The following KLHL28 variants were observed in gnomAD, a reference collection of about 807,000 sequenced individuals.
KLHL28 encodes the protein kelch like family member 28.
A neutral mutation model predicts 48.3 loss-of-function variants in KLHL28; 22 were observed. The observed-to-expected ratio is 0.46, with a 90% confidence interval of 0.33 to 0.65. The LOEUF is 0.65. Ranked by LOEUF, KLHL28 falls within the 30% of genes least tolerant of loss-of-function variation. The pLI is 0.03. For synonymous variants in KLHL28, 243 were observed against 242.4 expected (o/e 1.00, Z -0.02); for missense variants, 527 against 704.3 (o/e 0.75, Z 2.85).
At chr14:44,949,676 C>A (rs28690299) in intron 1 of KLHL28, among the ~76,000 whole-genome samples, 7,331 of 152,068 alleles carry the variant, frequency 0.048, 585 homozygotes, top group African/African-American at 0.17. Context: ...TCCTGAAAGA[C>A]TTATATCTAA....
intron 1 of KLHL28, among the ~76,000 whole-genome samples, chr14:44,947,832 G>A (rs1306845392): frequency 6.6e-6 from 1 of 152,178 alleles, no homozygotes; most frequent in Non-Finnish European, 1.5e-5. Flanking sequence ...CTCCACTGCT[G>A]ATCTCTGCAA....
chr14:44,930,424 C>G (rs1353580441), intron 4 of KLHL28, among the ~76,000 whole-genome samples: 1 of 152,070 alleles, frequency 6.6e-6, no homozygotes, highest in African/African-American at 2.4e-5. Flanking sequence ...GCCACCGCAC[C>G]AGGCTAATTT....
At chr14:44,953,327 A>G (rs1455689754) in intron 1 of KLHL28, among the ~76,000 whole-genome samples, 2 of 152,238 alleles carry the variant, frequency 1.3e-5, no homozygotes, top group African/African-American at 4.8e-5. Context: ...ATATATATGA[A>G]AAATGTAATT....
At chr14:44,952,555 C>T (rs1176283684) in intron 1 of KLHL28, among the ~76,000 whole-genome samples, 5 of 152,124 alleles carry the variant, frequency 3.3e-5, no homozygotes, top group African/African-American at 1.2e-4. Flanking sequence ...CAGGATCTCA[C>T]TATGTTGCCC....
intron 2 of KLHL28, among the ~76,000 whole-genome samples, chr14:44,937,783 T>C (rs1034341793): frequency 3.3e-5 from 5 of 152,194 alleles, no homozygotes; most frequent in Non-Finnish European, 7.3e-5. Context: ...CATCTCATGG[T>C]AGAAGACATC....
chr14:44,956,026 AC>A (rs1884781667), intron 1 of KLHL28, among the ~76,000 whole-genome samples: 2 of 152,212 alleles, frequency 1.3e-5, no homozygotes, highest in Admixed American at 6.5e-5. Flanking sequence ...TAATGTAGCA[AC>A]TCATTTTTTG....
chr14:44,944,878 A>G, intron 2 of KLHL28, 152 bp downstream of exon 2: 1 of 563,132 alleles, frequency 1.8e-6, no homozygotes, highest in South Asian at 3.2e-5. Context: ...AAAAACAATC[A>G]CGTAAGTATT....
At chr14:44,940,917 T>C (rs766336826) in intron 2 of KLHL28, among the ~76,000 whole-genome samples, 33 of 152,164 alleles carry the variant, frequency 2.2e-4, no homozygotes, top group African/African-American at 6.7e-4. Flanking sequence ...CTGACCAACA[T>C]GGTGAAACCC....
intron 1 of KLHL28, among the ~76,000 whole-genome samples, chr14:44,955,180 A>C (rs1372334367): frequency 6.6e-6 from 1 of 151,844 alleles, no homozygotes; most frequent in Admixed American, 6.6e-5. Flanking sequence ...TTTGAATAAA[A>C]AGTATGAGAA....
At chr14:44,938,607 C>T (rs112435177) in intron 2 of KLHL28, among the ~76,000 whole-genome samples, 3,192 of 152,176 alleles carry the variant, frequency 0.021, 129 homozygotes, top group African/African-American at 0.073. Flanking sequence ...CCTGACCTCG[C>T]GATCTGCCCG....
At chr14:44,948,603 G>A (rs551885191) in intron 1 of KLHL28, among the ~76,000 whole-genome samples, 1 of 152,150 alleles carries the variant, frequency 6.6e-6, no homozygotes, top group East Asian at 1.9e-4. Context: ...TAAGAATATA[G>A]TACTTACGTC....
chr14:44,951,765 C>T (rs1020230198), intron 1 of KLHL28, among the ~76,000 whole-genome samples: 5 of 152,280 alleles, frequency 3.3e-5, no homozygotes, highest in Middle Eastern at 3.4e-3. Flanking sequence ...AAAACAGTGT[C>T]AACTAGCAAC....
At chr14:44,950,973 T>C (rs1229768529) in intron 1 of KLHL28, among the ~76,000 whole-genome samples, 1 of 152,224 alleles carries the variant, frequency 6.6e-6, no homozygotes. Flanking sequence ...ATATGAGCCA[T>C]TTTAAAATAT....
In KLHL28 at chr14:44,935,890, G is replaced by GTGTATATA. The variant is rs1555337906; in HGVS notation, c.900-1333_900-1332insTATATACA. 2.7e-3 allele frequency among the ~76,000 whole-genome samples: 161 copies of GTGTATATA among 59,148 alleles called. 11 individuals are homozygous for GTGTATATA. Among genetic ancestry groups the GTGTATATA allele is most frequent in the African/African-American group, 6.0e-3 (148 of 24,802 alleles). The allele number at this position is 59,148 out of a possible 152,430, so 38.8% of individuals were successfully genotyped here. On this transcript the variant is annotated intron_variant, in intron 2 of 4. Transcript: ENST00000396128. ...TATGTGTATGTATATATATATGTGT[G>GTGTATATA]TATATATATATATCTTTACCCTCCC...
In KLHL28 at chr14:44,924,565, C is replaced by T. The variant is rs1255397488; in HGVS notation, c.*4463G>A. 1 of 152,584 alleles carries T rather than the reference C, an allele frequency of 6.6e-6. No homozygotes were observed. The highest frequency in any genetic ancestry group is 1.5e-5 in the Non-Finnish European group (1 of 68,014). 9.5% of individuals were successfully genotyped at this position (152,584 alleles called of 1,614,324 possible). ...ACATTTAAACTAACATAATCCACAA[C>T]TAGATCACATTCTTTGCAAGAGAGT... On this transcript the variant is annotated 3_prime_UTR_variant, in exon 5 of 5. Transcript: ENST00000396128.
At chr14:44,949,330 G>A (rs988019523) in intron 1 of KLHL28, among the ~76,000 whole-genome samples, 3 of 152,172 alleles carry the variant, frequency 2.0e-5, no homozygotes, top group Middle Eastern at 3.4e-3. Flanking sequence ...ACATGTTACA[G>A]ACTAGGTTTG....
chr14:44,940,438 A>C (rs373736878), intron 2 of KLHL28, among the ~76,000 whole-genome samples: 1 of 152,210 alleles, frequency 6.6e-6, no homozygotes, highest in African/African-American at 2.4e-5. Flanking sequence ...TTCAACATTT[A>C]ACATATTTGC....
chr14:44,932,056 T>G (rs1000028703), intron 3 of KLHL28, among the ~76,000 whole-genome samples: 1 of 151,590 alleles, frequency 6.6e-6, no homozygotes. Flanking sequence ...CAGGTCTCGC[T>G]CTGTCACCTA....
chr14:44,935,864 G>GTGTATATATATA (rs1566564854), intron 2 of KLHL28, among the ~76,000 whole-genome samples: 7 of 47,848 alleles, frequency 1.5e-4, no homozygotes, highest in Non-Finnish European at 3.3e-4. Flanking sequence ...GTATGTATGT[G>GTGTATATATATA]TATGTGTATG....
Sources: gnomAD v4.1 joint callset for allele counts (sites outside exome capture counted in the v4.1 genomes callset) on GRCh38, gnomAD v4.1.1 for gene constraint, MANE v1.5 for transcripts, NCBI Gene and HGNC (gene_info 2026-07-23, HGNC 2026-07-21) for gene names.